HERC3: variants seen among roughly 807,000 people sequenced by gnomAD.
HERC3 encodes the protein probable E3 ubiquitin-protein ligase HERC3.
In HERC3, 58 loss-of-function variants were observed where a neutral mutation model predicts 129.9. The observed-to-expected ratio is 0.45, with a 90% CI of 0.36 to 0.56. The LOEUF (loss-of-function observed/expected upper bound fraction) is 0.56, where lower values mean the gene tolerates loss of function less well. HERC3 is among the 20% of genes least tolerant of loss of function. HERC3 has a pLI of 0.00. For synonymous variants in HERC3, 430 were observed against 451.0 expected (o/e 0.95, Z 0.59); for missense variants, 835 against 1,244.2 (o/e 0.67, Z 4.95).
chr4:88,608,480 AAATTATTCTGT>A lies in HERC3; in HGVS notation c.226+2432_226+2442del, dbSNP rs551118179. On this transcript the variant is annotated intron_variant, in intron 3 of 25. Transcript: ENST00000402738. ...AGTGCACTCAATACTATAGGTTTTC[AAATTATTCTGT>A]TGTTTACTAAAATGAAAATTCAGTT... is the stretch of plus-strand genomic sequence containing the variant. Among the ~76,000 whole-genome samples, 743 of 152,364 alleles carry A rather than the reference AAATTATTCTGT, an allele frequency of 4.9e-3. 4 individuals are homozygous for A. The highest frequency in any genetic ancestry group is 0.011 in the Admixed American group (162 of 15,300).
At chr4:88,656,374 G>T in intron 9 of HERC3, 1 of 220,748 alleles carries the variant, frequency 4.5e-6, no homozygotes, top group South Asian at 9.4e-5. Context: ...TTGGCTTCTG[G>T]GGAGGCCTCA....
At chr4:88,652,796 C>T (rs1415073921) in intron 5 of HERC3, 73 bp from the exon 6 acceptor site, 2 of 1,464,850 alleles carry the variant, frequency 1.4e-6, no homozygotes, top group African/African-American at 1.4e-5. Flanking sequence ...GCAAATGACC[C>T]TAATAACTAG....
chr4:88,690,277 CA>C, intron 23 of HERC3: 1 of 979,090 alleles, frequency 1.0e-6, no homozygotes, highest in East Asian at 1.1e-4. Flanking sequence ...TCCATATAGT[CA>C]GATAATGTTT....
intron 19 of HERC3, among the ~76,000 whole-genome samples, chr4:88,679,175 G>A (rs147112220): frequency 1.3e-3 from 192 of 152,300 alleles, no homozygotes; most frequent in African/African-American, 4.0e-3. Context: ...GGTTTACAGA[G>A]TTTAACAGCT....
At chr4:88,556,156 A>G in the HERC3 span, among the ~76,000 whole-genome samples, 2 of 152,176 alleles carry the variant, frequency 1.3e-5, no homozygotes, top group Non-Finnish European at 1.5e-5. Flanking sequence ...AACATCTTGC[A>G]TTCTCCAATA....
intron 3 of HERC3, among the ~76,000 whole-genome samples, chr4:88,627,278 T>G (rs1347845329): frequency 6.6e-6 from 1 of 152,032 alleles, no homozygotes; most frequent in African/African-American, 2.4e-5. Context: ...GATCCACAAG[T>G]TCTGCATCAT....
chr4:88,580,866 G>A, the HERC3 span, among the ~76,000 whole-genome samples: 2 of 152,146 alleles, frequency 1.3e-5, no homozygotes, highest in Non-Finnish European at 1.5e-5. Context: ...CTCATAATGA[G>A]GGAAGAGGAG....
Position 88,654,109 on chromosome 4 carries a change from A to G in HERC3, c.753A>G (p.Glu251=), listed in dbSNP as rs1184238609. ...AAGTTGTCTATATTAGTTGTGGAGA[A>G]GAACACACAGCAGTTCTCACAAAGG... ...TQKVVYISCG[E]EHTAVLTKSG... Residue 251 remains glutamate, a synonymous_variant, in exon 7 of 26, where the codon GAA becomes GAG. Transcript: ENST00000402738. 1.2e-6 allele frequency: 2 copies of G among 1,613,340 alleles called. No homozygotes were observed. The highest frequency in any genetic ancestry group is 1.1e-5 in the South Asian group (1 of 91,062).
At chr4:88,697,571 C>A in intron 23 of HERC3, 1 of 1,614,104 alleles carries the variant, frequency 6.2e-7, no homozygotes, top group Non-Finnish European at 8.5e-7. Flanking sequence ...GGCTTTGGGG[C>A]ATTCTCTGCA....
chr4:88,600,142 GTTA>G (rs1263578113), intron 2 of HERC3, among the ~76,000 whole-genome samples: 1 of 152,118 alleles, frequency 6.6e-6, no homozygotes, highest in Admixed American at 6.5e-5. Context: ...CTTATCTGCT[GTTA>G]TTATTAATAA....
At chr4:88,580,672 G>T in the HERC3 span, among the ~76,000 whole-genome samples, 1 of 152,192 alleles carries the variant, frequency 6.6e-6, no homozygotes, top group East Asian at 1.9e-4. Context: ...GGAGTCATTA[G>T]GTGGTAAATG....
chr4:88,609,130 A>T (rs1357879237), intron 3 of HERC3, among the ~76,000 whole-genome samples: 1 of 151,526 alleles, frequency 6.6e-6, no homozygotes, highest in Non-Finnish European at 1.5e-5. Flanking sequence ...AAAAAAAAAA[A>T]AAATTAGCTG....
chr4:88,659,717 C>T, intron 10 of HERC3, among the ~76,000 whole-genome samples: 1 of 152,150 alleles, frequency 6.6e-6, no homozygotes, highest in East Asian at 1.9e-4. Flanking sequence ...AGTTTTTGTC[C>T]ATAAGTAATA....
chr4:88,538,827 G>A, the HERC3 span, among the ~76,000 whole-genome samples: 2 of 152,152 alleles, frequency 1.3e-5, no homozygotes, highest in Non-Finnish European at 2.9e-5. Flanking sequence ...ACAGGCGTGA[G>A]CCACCATGCC....
intron 3 of HERC3, among the ~76,000 whole-genome samples, chr4:88,615,487 T>C (rs1251311330): frequency 1.3e-5 from 2 of 152,188 alleles, no homozygotes; most frequent in Non-Finnish European, 2.9e-5. Flanking sequence ...TGCATTGAAA[T>C]TTCTATTATA....
chr4:88,703,186 C>T (rs1199318101), intron 23 of HERC3, among the ~76,000 whole-genome samples: 1 of 152,164 alleles, frequency 6.6e-6, no homozygotes, highest in East Asian at 1.9e-4. Context: ...TGCCCCACTT[C>T]TAGTTAGCCC....
intron 25 of HERC3, among the ~76,000 whole-genome samples, chr4:88,705,762 A>G (rs1362359206): frequency 6.6e-6 from 1 of 152,240 alleles, no homozygotes; most frequent in Non-Finnish European, 1.5e-5. Flanking sequence ...ATCAAAGCAC[A>G]GGGTTTGATA....
At chr4:88,549,817 G>C in the HERC3 span, among the ~76,000 whole-genome samples, 1 of 151,810 alleles carries the variant, frequency 6.6e-6, no homozygotes, top group Non-Finnish European at 1.5e-5. Context: ...CGATTATCCT[G>C]CCTCAGTGTG....
chr4:88,649,688 A>T, intron 3 of HERC3, 152 bp from the exon 4 acceptor site: 1 of 648,886 alleles, frequency 1.5e-6, no homozygotes, highest in Non-Finnish European at 2.6e-6. Flanking sequence ...GATAGAGTTT[A>T]GAAATATGTG....
Sources: gnomAD v4.1 joint callset for allele counts (sites outside exome capture counted in the v4.1 genomes callset) on GRCh38, gnomAD v4.1.1 for gene constraint, MANE v1.5 for transcripts, NCBI Gene and HGNC (gene_info 2026-07-23, HGNC 2026-07-21) for gene names.